Variants in SLC28A3 observed in about 807,000 individuals in gnomAD.
The protein encoded by SLC28A3 is solute carrier family 28 member 3, also known as concentrative Na(+)-nucleoside cotransporter 3.
A neutral mutation model predicts 84.2 loss-of-function variants in SLC28A3; 68 were observed. The observed-to-expected ratio is 0.81, with a 90% confidence interval of 0.66 to 0.99. SLC28A3 has a LOEUF of 0.99. Ranked by LOEUF, SLC28A3 falls within the 50% of genes least tolerant of loss-of-function variation. The probability of loss-of-function intolerance (pLI) is 0.00; values close to 1 mark genes in which losing one functional copy is unlikely to be tolerated. For synonymous variants in SLC28A3, 267 were observed against 303.6 expected (o/e 0.88, Z 1.25); for missense variants, 712 against 841.5 (o/e 0.85, Z 1.90).
intron 11 of SLC28A3, among the ~76,000 whole-genome samples, chr9:84,289,126 C>T (rs777615170): frequency 7.2e-5 from 11 of 152,172 alleles, no homozygotes; most frequent in Non-Finnish European, 1.5e-5. Context: ...ATCAACACCT[C>T]CCTCCCTGTT....
intron 3 of SLC28A3, 54 bp downstream of exon 3, chr9:84,309,574 TA>T (rs894298044): frequency 1.2e-5 from 12 of 991,042 alleles, no homozygotes; most frequent in Non-Finnish European, 1.8e-5. Context: ...TAAAACAAAG[TA>T]ATAAAACCAA....
chr9:84,309,546 AAAGAAATCAAATGGGG>A, intron 3 of SLC28A3, 67 bp downstream of exon 3: 3 of 827,968 alleles, frequency 3.6e-6, no homozygotes, highest in Non-Finnish European at 5.5e-6. Context: ...AAAAAAAAAA[AAAGAAATCAAATGGGG>A]ATAAAACAAA....
chr9:84,336,881 ACCCCACCT>A (rs1826994840), intron 1 of SLC28A3, among the ~76,000 whole-genome samples: 1 of 152,036 alleles, frequency 6.6e-6, no homozygotes, highest in African/African-American at 2.4e-5. Context: ...TGCTCTGCCC[ACCCCACCT>A]CCTACTGTGA....
Position 84,280,172 on chromosome 9 carries a change from G to A in SLC28A3, c.1730-99C>T, listed in dbSNP as rs1424538478. The A allele has an allele frequency of 8.0e-6, 8 of 1,003,514 alleles. No individual in the cohort carries two copies. The Admixed American group carries it at 2.1e-4, about 26-fold the overall frequency. The allele number at this position is 1,003,514 out of a possible 1,614,324, so 62.2% of individuals were successfully genotyped here. The stretch of plus-strand genomic sequence containing the variant: ...TTCTGAGGCTGGGCTCAGGTCAGCT[G>A]ACTTTTTTTTTTTTTTCTTTAACTT... On this transcript the variant is annotated intron_variant, in intron 15 of 17. Transcript: ENST00000376238.
At chr9:84,338,062 C>G (rs1564181902) in intron 1 of SLC28A3, among the ~76,000 whole-genome samples, 1 of 152,184 alleles carries the variant, frequency 6.6e-6, no homozygotes, top group Non-Finnish European at 1.5e-5. Flanking sequence ...GCACCTGCAC[C>G]AGGTCTTACA....
rs1421113906 is a variant in SLC28A3, at chr9:84,277,417, C to CCAT, written c.*798_*800dup. The stretch of plus-strand genomic sequence containing the variant: ...CATTTCCTAGCGGAAGATGAAAGAG[C>CCAT]CATCATGTGGTTCCCACCTTTCTTT... On this transcript the variant is annotated 3_prime_UTR_variant, in exon 18 of 18. Transcript: ENST00000376238. 6.6e-6 allele frequency: 1 copy of CCAT among 152,226 alleles called. No homozygotes were observed. The highest frequency in any genetic ancestry group is 1.5e-5 in the Non-Finnish European group (1 of 68,040). The allele number at this position is 152,226 out of a possible 1,614,324, so 9.4% of individuals were successfully genotyped here.
the SLC28A3 span, among the ~76,000 whole-genome samples, chr9:84,361,161 T>C: frequency 6.6e-6 from 1 of 151,952 alleles, no homozygotes; most frequent in Non-Finnish European, 1.5e-5. Context: ...CTGGCCAACA[T>C]GGTGAAACCC....
At chr9:84,351,511 TA>T in the SLC28A3 span, among the ~76,000 whole-genome samples, 1 of 151,662 alleles carries the variant, frequency 6.6e-6, no homozygotes. Context: ...TGGAAAAAAT[TA>T]GTTGGGCATG....
chr9:84,308,986 T>C (rs919818651), intron 3 of SLC28A3, among the ~76,000 whole-genome samples: 9 of 152,194 alleles, frequency 5.9e-5, no homozygotes, highest in Admixed American at 5.9e-4. Flanking sequence ...TTGATTGACA[T>C]TGAGAAGATG....
At chr9:84,281,484 A>G (rs1406860096) in intron 14 of SLC28A3, among the ~76,000 whole-genome samples, 2 of 152,224 alleles carry the variant, frequency 1.3e-5, no homozygotes, top group East Asian at 1.9e-4. Context: ...TAAAAAATAC[A>G]AAGTGTTGAC....
At chr9:84,354,937 T>C in the SLC28A3 span, among the ~76,000 whole-genome samples, 1 of 152,090 alleles carries the variant, frequency 6.6e-6, no homozygotes, top group Non-Finnish European at 1.5e-5. Context: ...ATTTATATTG[T>C]TCATAAGGAA....
the SLC28A3 span, among the ~76,000 whole-genome samples, chr9:84,347,709 G>A: frequency 6.6e-5 from 10 of 152,244 alleles, no homozygotes; most frequent in East Asian, 3.9e-4. Flanking sequence ...CACAGGTGTC[G>A]GGCTGCTATA....
chr9:84,336,275 G>T (rs1826973453), intron 1 of SLC28A3, among the ~76,000 whole-genome samples: 1 of 152,192 alleles, frequency 6.6e-6, no homozygotes, highest in African/African-American at 2.4e-5. Flanking sequence ...GCTGAGGCAG[G>T]CGGATCATTT....
In SLC28A3 at chr9:84,340,599, T is replaced by G. The variant is rs572104749; in HGVS notation, c.35A>C (p.Glu12Ala). 2.1e-5 allele frequency: 34 copies of G among 1,614,042 alleles called. No individual in the cohort carries two copies. The highest frequency in any genetic ancestry group is 2.8e-5 in the Non-Finnish European group (33 of 1,180,016). ...CTGGAAGCCCACGTTGCTGTAGCCC[T>G]CAGCTCTGGGGGCTGCTGTACTCCT... is the stretch of plus-strand genomic sequence containing the variant. ...ELRSTAAPRA[E>A]GYSNVGFQNE... Residue 12 changes from glutamate (E) to alanine (A), a missense_variant, in exon 1 of 18, where the codon GAG becomes GCG. Coordinates refer to ENST00000376238, the MANE Select transcript of SLC28A3 (RefSeq NM_001199633.2).
chr9:84,310,992 A>G (rs9792450), intron 2 of SLC28A3, among the ~76,000 whole-genome samples: 34,386 of 152,104 alleles, frequency 0.23, 4,257 homozygotes, highest in East Asian at 0.53. Flanking sequence ...CATGTTTTAA[A>G]AACAACAACT....
chr9:84,308,547 A>T (rs968892958), intron 3 of SLC28A3, among the ~76,000 whole-genome samples: 9 of 151,860 alleles, frequency 5.9e-5, no homozygotes, highest in Admixed American at 2.0e-4. Context: ...CTCCATCTCA[A>T]AAAAAAAATT....
the SLC28A3 span, among the ~76,000 whole-genome samples, chr9:84,362,080 T>C: frequency 4.6e-5 from 7 of 152,180 alleles, no homozygotes; most frequent in African/African-American, 1.4e-4. Context: ...CTTATTAGTG[T>C]TTTTTGTGTT....
At chr9:84,318,803 A>G (rs1826261484) in intron 1 of SLC28A3, among the ~76,000 whole-genome samples, 1 of 152,002 alleles carries the variant, frequency 6.6e-6, no homozygotes, top group South Asian at 2.1e-4. Context: ...TGGGAGGCGG[A>G]GGTTGCAGTG....
the SLC28A3 span, among the ~76,000 whole-genome samples, chr9:84,352,696 C>A: frequency 6.6e-6 from 1 of 151,172 alleles, no homozygotes; most frequent in African/African-American, 2.4e-5. Flanking sequence ...ACCAGTCTGG[C>A]CAACATTGTG....
Sources: gnomAD v4.1 joint callset for allele counts (sites outside exome capture counted in the v4.1 genomes callset) on GRCh38, gnomAD v4.1.1 for gene constraint, MANE v1.5 for transcripts, NCBI Gene and HGNC (gene_info 2026-07-23, HGNC 2026-07-21) for gene names.